ATP5F1B: variants seen among roughly 807,000 people sequenced by gnomAD.
The protein encoded by ATP5F1B is ATP synthase F(1) complex subunit beta, mitochondrial.
In ATP5F1B, 17 loss-of-function variants were observed where a neutral mutation model predicts 45.9. The observed-to-expected ratio is 0.37, with a 90% CI of 0.25 to 0.56. ATP5F1B has a LOEUF of 0.56. Among genes scored for constraint, ATP5F1B ranks in the 20% least tolerant of loss-of-function variants. The pLI is 0.80. For synonymous variants in ATP5F1B, 218 were observed against 256.5 expected (o/e 0.85, Z 1.43); for missense variants, 387 against 673.2 (o/e 0.57, Z 4.70).
chr12:56,642,061 A>G (rs560820148), intron 7 of ATP5F1B, among the ~76,000 whole-genome samples: 12 of 151,714 alleles, frequency 7.9e-5, no homozygotes, highest in Middle Eastern at 3.4e-3. Flanking sequence ...CAGTGCCCCA[A>G]TCTTGGCTCA....
At position 56,643,349 on chromosome 12, in the gene ATP5F1B, G is replaced by A. The variant is rs572471831; in HGVS notation, c.792+54C>T. 512 of 1,455,444 alleles carry A rather than the reference G, an allele frequency of 3.5e-4. 1 individual carries two copies. Among genetic ancestry groups the A allele is most frequent in the Middle Eastern group, 1.8e-3 (10 of 5,596 alleles). 90.2% of individuals were successfully genotyped at this position (1,455,444 alleles called of 1,614,324 possible). A position where few individuals can be genotyped will look rare whatever the true frequency, so the allele number is the denominator to read the frequency against. ...AAAATATAGAACATGGCTTCAGTTG[G>A]CAATAGTTTCCTGGCGTAACTACCA... On this transcript the variant is annotated intron_variant, in intron 5 of 9. Coordinates refer to ENST00000262030, the MANE Select transcript of ATP5F1B (RefSeq NM_001686.4).
rs1592642973 is a variant in ATP5F1B at position 56,638,203 on chromosome 12, C to T, written c.*120G>A. 5 of 860,900 alleles carry T rather than the reference C, an allele frequency of 5.8e-6. No homozygotes were observed. The highest frequency in any genetic ancestry group is 1.7e-5 in the African/African-American group (1 of 59,350). 53.3% of individuals were successfully genotyped at this position (860,900 alleles called of 1,614,324 possible). A position where few individuals can be genotyped will look rare whatever the true frequency, so the allele number is the denominator to read the frequency against. On this transcript the variant is annotated 3_prime_UTR_variant, in exon 10 of 10. Transcript: ENST00000262030. The stretch of plus-strand genomic sequence containing the variant: ...TGAGGGGTGTACATTTTATTGGAAA[C>T]CTTAAATACTGTTCAGAAAGAATAT...
intron 3 of ATP5F1B, 144 bp downstream of exon 3, chr12:56,644,637 C>T: frequency 1.2e-6 from 1 of 865,466 alleles, no homozygotes; most frequent in African/African-American, 1.7e-5. Flanking sequence ...ATCCTAATTT[C>T]TTCAGGTGAA....
At position 56,643,477 on chromosome 12, in the gene ATP5F1B, TCC is replaced by T; in HGVS notation, c.716_717del (p.Arg239AsnfsTer3). The T allele has an allele frequency of 6.2e-7, 1 of 1,614,026 alleles. No homozygotes were observed. ...TGGTATAAATCATTGCCTTCACGGGTCCTCTCACCAACACCAGCAAACACAGA... is the reference window on the plus strand; with the variant it reads ...TGGTATAAATCATTGCCTTCACGGGTTCTCACCAACACCAGCAAACACAGA... The part of the protein sequence containing the change: ...GYSVFAGVGE[R>X]TREGNDLYHE... On this transcript the variant is annotated frameshift_variant, in exon 5 of 10. Coordinates refer to ENST00000262030, the MANE Select transcript of ATP5F1B (RefSeq NM_001686.4). LOFTEE classifies it high-confidence loss of function.
In ATP5F1B at chr12:56,638,338, T is replaced by A. The variant is rs147799513; in HGVS notation, c.1575A>T (p.Glu525Asp). Residue 525 changes from glutamate (E) to aspartate (D), a missense_variant, in exon 10 of 10, where the codon GAA (glutamate) becomes GAT (aspartate). By Grantham distance (45) the Glu-to-Asp change is conservative. Around this residue, in one of 6 missense-constraint regions of ATP5F1B, gnomAD observed 36 missense variants for 37.9 expected, o/e 0.95. Coordinates refer to ENST00000262030, the MANE Select transcript of ATP5F1B (RefSeq NM_001686.4). The stretch of plus-strand genomic sequence containing the variant: ...CAAAGACCCCTCACGATGAATGCTC[T>A]TCAGCCAGCTTATCAGCTTTTGCCA... ...EAVAKADKLA[E>D]EHSS 5.6e-6 allele frequency: 9 copies of A among 1,613,984 alleles called. No individual in the cohort carries two copies. The African/African-American group carries it at 1.1e-4, about 19-fold the overall frequency.
chr12:56,639,961 C>T lies in ATP5F1B; in HGVS notation c.1287+19G>A, dbSNP rs546628597. On this transcript the variant is annotated intron_variant, in intron 8 of 9. Transcript: ENST00000262030. ...TTTTTGACTTTCCGGACACTGATCC[C>T]ACATAGTAATATACTCACCTGCAGG... The T allele has an allele frequency of 3.1e-6, 5 of 1,612,602 alleles. No individual in the cohort carries two copies. The South Asian group carries it at 3.3e-5, about 11-fold the overall frequency.
chr12:56,641,913 T>C (rs1457071337), intron 7 of ATP5F1B, among the ~76,000 whole-genome samples: 1 of 152,170 alleles, frequency 6.6e-6, no homozygotes, highest in Non-Finnish European at 1.5e-5. Context: ...AAATATTTAA[T>C]GCTCAGTTTC....
intron 8 of ATP5F1B, chr12:56,639,559 G>A: frequency 2.0e-6 from 1 of 501,442 alleles, no homozygotes; most frequent in Non-Finnish European, 3.6e-6. Context: ...GGATCATGAG[G>A]TCAGGAGATC....
rs1951500303 is a variant in ATP5F1B, at chr12:56,640,066, G to A, written c.1201C>T (p.Leu401=). Residue 401 remains leucine, a synonymous_variant, in exon 8 of 10, where the codon CTA becomes TTA. Coordinates refer to ENST00000262030, the MANE Select transcript of ATP5F1B (RefSeq NM_001686.4). ...ELGIYPAVDP[L]DSTSRIMDPN... ...TCCATGATACGAGAGGTGGAGTCTA[G>A]AGGATCCACAGCTGGATAGATGCCC... 6.2e-7 allele frequency: 1 copy of A among 1,614,040 alleles called. No homozygotes were observed. Among genetic ancestry groups the A allele is most frequent in the South Asian group, 1.1e-5 (1 of 91,072 alleles).
At chr12:56,641,306 G>T (rs958393388) in intron 7 of ATP5F1B, among the ~76,000 whole-genome samples, 39 of 149,114 alleles carry the variant, frequency 2.6e-4, no homozygotes, top group Non-Finnish European at 5.0e-4. Context: ...AGGTTGCAGT[G>T]AGCCCAGATC....
In ATP5F1B at chr12:56,639,185, A is replaced by C. The variant is rs1251379284; in HGVS notation, c.1410T>G (p.Val470=). The change falls in exon 9 of 10, where the codon GTT becomes GTG. Residue 470 remains valine (V), a synonymous_variant. Transcript: ENST00000262030. ...IQRFLSQPFQ[V]AEVFTGHMGK... Reference sequence around the variant, plus strand: ...CCATATGACCTGTGAAGACCTCAGCAACCTGGAATGGCTGAGACAAGAAAC... The same window carrying C: ...CCATATGACCTGTGAAGACCTCAGCCACCTGGAATGGCTGAGACAAGAAAC... 3.7e-6 allele frequency: 6 copies of C among 1,614,154 alleles called. No individual in the cohort carries two copies. The highest frequency in any genetic ancestry group is 1.7e-5 in the Admixed American group (1 of 60,028).
chr12:56,645,090 C>T (rs1951539928), intron 2 of ATP5F1B, 81 bp downstream of exon 2: 1 of 1,606,872 alleles, frequency 6.2e-7, no homozygotes, highest in Non-Finnish European at 8.5e-7. Flanking sequence ...TTGATAAAAT[C>T]ATCATAGAAG....
rs769495213 is a variant in ATP5F1B at position 56,645,979 on chromosome 12, G to C, written c.-16C>G. On this transcript the variant is annotated 5_prime_UTR_variant, in exon 1 of 10. Transcript: ENST00000262030. ...ACCCCAACATGGCGTAGTCCGGGTG[G>C]AGACTGAAGGCTGCAGCAACCGCAG... The C allele has an allele frequency of 6.3e-7, 1 of 1,587,882 alleles. No individual in the cohort carries two copies.
intron 8 of ATP5F1B, among the ~76,000 whole-genome samples, chr12:56,639,753 A>T (rs1347701637): frequency 6.6e-6 from 1 of 151,192 alleles, no homozygotes; most frequent in East Asian, 1.9e-4. Context: ...CTTGGGAGAC[A>T]CAGTGAGACT....
intron 8 of ATP5F1B, 108 bp from the exon 9 acceptor site, chr12:56,639,415 A>T: frequency 1.0e-6 from 1 of 990,434 alleles, no homozygotes. Context: ...TGGTGTTATG[A>T]GGGCCCTCAG....
chr12:56,644,662 T>G, intron 3 of ATP5F1B, 119 bp downstream of exon 3: 1 of 1,118,780 alleles, frequency 8.9e-7, no homozygotes, highest in East Asian at 2.5e-5. Context: ...CACTGTGTGA[T>G]TTTAATAATC....
chr12:56,639,242 C>A lies in ATP5F1B; in HGVS notation c.1353G>T (p.Lys451Asn). The change falls in exon 9 of 10, where the codon AAG becomes AAT. Residue 451 changes from lysine (K) to asparagine (N), a missense_variant. Coordinates refer to ENST00000262030, the MANE Select transcript of ATP5F1B (RefSeq NM_001686.4). ...TTTTCCGTGCACGGGACACGGTCAA[C>A]TTGTCTTCCTCAGAAAGTTCATCCA... Reference protein sequence around the residue: ...LGMDELSEEDKLTVSRARKIQ... With the variant: ...LGMDELSEEDNLTVSRARKIQ... 6.2e-7 allele frequency: 1 copy of A among 1,614,078 alleles called. No homozygotes were observed. Among genetic ancestry groups the A allele is most frequent in the Non-Finnish European group, 8.5e-7 (1 of 1,180,006 alleles).
intron 3 of ATP5F1B, among the ~76,000 whole-genome samples, chr12:56,644,309 C>G (rs1951534612): frequency 2.0e-5 from 3 of 151,340 alleles, no homozygotes; most frequent in Non-Finnish European, 4.4e-5. Context: ...AAGACCGAGT[C>G]TTAAAAATAC....
At chr12:56,639,419 C>A in intron 8 of ATP5F1B, 112 bp from the exon 9 acceptor site, 1 of 953,214 alleles carries the variant, frequency 1.0e-6, no homozygotes, top group Non-Finnish European at 1.6e-6. Flanking sequence ...GTTATGAGGG[C>A]CCTCAGCCAA....
Sources: gnomAD v4.1 joint callset for allele counts (sites outside exome capture counted in the v4.1 genomes callset) on GRCh38, gnomAD v4.1.1 for gene constraint, gnomAD v4.1.1 regional missense constraint, MANE v1.5 for transcripts, NCBI Gene and HGNC (gene_info 2026-07-23, HGNC 2026-07-21) for gene names.